Variants in ELMO2 observed in about 807,000 individuals in gnomAD.
The protein encoded by ELMO2 is engulfment and cell motility protein 2.
ELMO2 carries 37 observed loss-of-function variants against 96.2 expected under a neutral mutation model. The observed-to-expected ratio is 0.38, with a 90% CI of 0.30 to 0.51. The LOEUF (loss-of-function observed/expected upper bound fraction) is 0.51, where lower values mean the gene tolerates loss of function less well. ELMO2 is among the 20% of genes least tolerant of loss of function. The probability of loss-of-function intolerance (pLI) is 0.88; values close to 1 mark genes in which losing one functional copy is unlikely to be tolerated. For synonymous variants in ELMO2, 315 were observed against 329.4 expected (o/e 0.96, Z 0.47); for missense variants, 561 against 912.6 (o/e 0.61, Z 4.96).
chr20:46,369,951 T>C (rs923859273), intron 20 of ELMO2: 3 of 229,028 alleles, frequency 1.3e-5, no homozygotes, highest in Non-Finnish European at 2.4e-5. Flanking sequence ...TTAGACAAGA[T>C]GGGTATGGGG....
intron 6 of ELMO2, among the ~76,000 whole-genome samples, chr20:46,390,217 T>C (rs547756585): frequency 5.5e-4 from 84 of 152,248 alleles, no homozygotes; most frequent in African/African-American, 1.9e-3. Context: ...AGGTTTCTCT[T>C]GAGGTATTAA....
chr20:46,370,024 A>G (rs1370684026), intron 20 of ELMO2: 2 of 353,450 alleles, frequency 5.7e-6, no homozygotes, highest in Non-Finnish European at 1.1e-5. Context: ...AAACATTTAT[A>G]TATCTGTAGA....
At chr20:46,396,049 G>A (rs1181298728) in intron 2 of ELMO2, among the ~76,000 whole-genome samples, 2 of 152,254 alleles carry the variant, frequency 1.3e-5, no homozygotes, top group Non-Finnish European at 2.9e-5. Context: ...ATTAAACGCA[G>A]CCTAAAGGGA....
intron 2 of ELMO2, among the ~76,000 whole-genome samples, chr20:46,398,111 A>G (rs1332547015): frequency 6.6e-6 from 1 of 152,228 alleles, no homozygotes; most frequent in African/African-American, 2.4e-5. Context: ...AGGTCTGAGC[A>G]GACAGCAGCA....
At chr20:46,379,034 C>T (rs1482493532) in intron 11 of ELMO2, among the ~76,000 whole-genome samples, 4 of 151,834 alleles carry the variant, frequency 2.6e-5, no homozygotes, top group African/African-American at 9.7e-5. Context: ...CTCTTGTTGT[C>T]CAGGCTAGAG....
intron 20 of ELMO2, chr20:46,369,959 GGGGT>G (rs1555822785): frequency 0.12 from 28,869 of 249,526 alleles, 1,359 homozygotes; most frequent in South Asian, 0.13. Flanking sequence ...GATGGGTATG[GGGGT>G]GTGTGTGTGT....
chr20:46,388,144 T>G (rs1189717459), intron 7 of ELMO2, among the ~76,000 whole-genome samples: 1 of 152,210 alleles, frequency 6.6e-6, no homozygotes, highest in Admixed American at 6.5e-5. Context: ...TAACAATACT[T>G]CTCACAATAA....
intron 10 of ELMO2, 149 bp downstream of exon 10, chr20:46,383,267 C>T: frequency 1.2e-6 from 1 of 812,588 alleles, no homozygotes; most frequent in Non-Finnish European, 2.0e-6. Flanking sequence ...CTTAGCAAAG[C>T]CACCCTCCTG....
intron 1 of ELMO2, among the ~76,000 whole-genome samples, chr20:46,405,948 C>A (rs1228404693): frequency 2.6e-5 from 4 of 152,206 alleles, no homozygotes; most frequent in African/African-American, 4.8e-5. Context: ...AGGAGAAGGG[C>A]CCCTGTGCCT....
Position 46,380,298 on chromosome 20 carries a change from C to G in ELMO2, c.762G>C (p.Met254Ile), listed in dbSNP as rs745858689. The G allele has an allele frequency of 3.7e-6, 6 of 1,612,850 alleles. No individual in the cohort carries two copies. In the South Asian group the frequency reaches 6.6e-5, roughly 18 times the overall value. ...GATGCTTCTGTGCAAATGCATTTGC[C>G]ATATCCTGTGGAGGAAAATAAGCAA... ...LKAPEDKRQD[M>I]ANAFAQKHLR... The change falls in exon 11 of 22, where the codon ATG becomes ATC. Residue 254 changes from methionine to isoleucine, a missense_variant. Coordinates refer to ENST00000290246, the MANE Select transcript of ELMO2 (RefSeq NM_133171.5).
intron 11 of ELMO2, 86 bp downstream of exon 11, chr20:46,380,167 T>C (rs778732963): frequency 5.9e-6 from 7 of 1,181,086 alleles, no homozygotes; most frequent in Non-Finnish European, 8.6e-6. Context: ...TCCTCACTCA[T>C]TAATAATTTC....
chr20:46,380,104 A>T, intron 11 of ELMO2, 149 bp downstream of exon 11: 1 of 643,058 alleles, frequency 1.6e-6, no homozygotes, highest in Non-Finnish European at 2.6e-6. Flanking sequence ...CGCGGGAAAA[A>T]GCTATTCAGT....
At chr20:46,397,693 A>C (rs114501063) in intron 2 of ELMO2, among the ~76,000 whole-genome samples, 1 of 152,270 alleles carries the variant, frequency 6.6e-6, no homozygotes, top group Non-Finnish European at 1.5e-5. Flanking sequence ...ACATACATAC[A>C]TACAAACAAA....
rs2145746049 is a variant in ELMO2 at position 46,367,675 on chromosome 20, A to C, written c.1963-115T>G. The C allele has an allele frequency of 9.5e-6, 6 of 628,806 alleles. No homozygotes were observed. In the South Asian group the frequency reaches 1.9e-4, roughly 20 times the overall value. 39.0% of individuals were successfully genotyped at this position (628,806 alleles called of 1,614,324 possible). On this transcript the variant is annotated intron_variant, in intron 21 of 21. Transcript: ENST00000290246. ...AGTTCCTTTTGGAACTAATCAGTAT[A>C]GGCAAAACTGATTTGGAATGATAGC...
In ELMO2 at chr20:46,370,512, G is replaced by T; in HGVS notation, c.1815C>A (p.Asp605Glu). The T allele has an allele frequency of 6.2e-7, 1 of 1,614,124 alleles. No homozygotes were observed. The highest frequency in any genetic ancestry group is 8.5e-7 in the Non-Finnish European group (1 of 1,179,990). The change falls in exon 20 of 22, where the codon GAC (aspartate) becomes GAA (glutamate). Residue 605 changes from aspartate (D) to glutamate (E), a missense_variant. Transcript: ENST00000290246. ...ESLQEKIPVA[D>E]IKAIVTGKDC... is the part of the protein sequence containing the mutation. Reference sequence around the variant, plus strand: ...CTTTCCCAGTGACAATGGCCTTAATGTCTGCAACAGGAACTGATAAATGAT... The same window carrying T: ...CTTTCCCAGTGACAATGGCCTTAATTTCTGCAACAGGAACTGATAAATGAT...
intron 5 of ELMO2, 32 bp from the exon 6 acceptor site, chr20:46,393,175 C>T (rs753631119): frequency 6.2e-7 from 1 of 1,606,450 alleles, no homozygotes; most frequent in South Asian, 1.1e-5. Flanking sequence ...AAAAAAGTAA[C>T]TAAGATAAAA....
At chr20:46,392,991 T>G (rs1330719120) in intron 6 of ELMO2, 102 bp downstream of exon 6, 9 of 1,045,794 alleles carry the variant, frequency 8.6e-6, no homozygotes, top group African/African-American at 1.6e-5. Context: ...ACTGACTTTC[T>G]TATCTCCAGA....
At position 46,375,001 on chromosome 20, in the gene ELMO2, T is replaced by C. The variant is rs550427242; in HGVS notation, c.1065+235A>G. ...GGACAGGTCCCCTCTCTACCCACTC[T>C]AGCTGACCGCAACCCCCCTACAGAT... is the stretch of plus-strand genomic sequence containing the variant. On this transcript the variant is annotated intron_variant, in intron 13 of 21. Transcript: ENST00000290246. The surrounding 1 kb of genome is among the most constrained non-coding windows in gnomAD (Gnocchi z 4.6). Among the ~76,000 whole-genome samples the C allele has an allele frequency of 7.2e-5, 11 of 152,334 alleles. No individual in the cohort carries two copies. Among genetic ancestry groups the C allele is most frequent in the Middle Eastern group, 3.4e-3 (1 of 294 alleles).
chr20:46,383,435 G>A lies in ELMO2; in HGVS notation c.737C>T (p.Ala246Val), dbSNP rs2059991237. 5 of 1,614,068 alleles carry A rather than the reference G, an allele frequency of 3.1e-6. No homozygotes were observed. The Middle Eastern group carries it at 6.6e-4, about 212-fold the overall frequency. ...ACAGACCTGTCGTTTGTCCTCAGGA[G>A]CCTTCAGAAAAAGTGCATTAATCAG... ...IALINALFLK[A>V]PEDKRQDMAN... Residue 246 changes from alanine (A) to valine (V), a missense_variant, in exon 10 of 22, where the codon GCT (alanine) becomes GTT (valine). By Grantham distance (64) the Ala-to-Val change is moderately conservative. Coordinates refer to ENST00000290246, the MANE Select transcript of ELMO2 (RefSeq NM_133171.5).
Sources: allele counts gnomAD v4.1 joint callset (sites outside exome capture counted in the v4.1 genomes callset), GRCh38; gene constraint gnomAD v4.1.1; non-coding constraint Gnocchi (gnomAD v3.1); transcripts MANE v1.5; gene names NCBI Gene and HGNC (gene_info 2026-07-23, HGNC 2026-07-21).